The following MAPKAP1 variants were observed in gnomAD, a reference collection of about 807,000 sequenced individuals.
The protein encoded by MAPKAP1 is MAPK associated protein 1.
MAPKAP1 carries 20 observed loss-of-function variants against 65.7 expected under a neutral mutation model. The observed-to-expected ratio is 0.30, with a 90% confidence interval of 0.21 to 0.44. The LOEUF is 0.44. Among genes scored for constraint, MAPKAP1 ranks in the 20% least tolerant of loss-of-function variants. The pLI is 1.00. For synonymous variants in MAPKAP1, 222 were observed against 244.3 expected, an observed-to-expected ratio of 0.91 and a Z score of 0.85; for missense variants, 423 against 648.0, an observed-to-expected ratio of 0.65 and a Z score of 3.77.
At chr9:125,537,272 C>T (rs1344712208) in intron 7 of MAPKAP1, among the ~76,000 whole-genome samples, 1 of 152,192 alleles carries the variant, frequency 6.6e-6, no homozygotes, top group African/African-American at 2.4e-5. Context: ...GTCCTTAATT[C>T]TAAGATGCAC....
At position 125,439,051 on chromosome 9, in the gene MAPKAP1, C is replaced by T. The variant is rs776607729; in HGVS notation, c.1444-39G>A. 1.1e-5 allele frequency: 17 copies of T among 1,606,698 alleles called. No homozygotes were observed. Among genetic ancestry groups the T allele is most frequent in the Admixed American group, 6.7e-5 (4 of 59,692 alleles). Reference sequence around the variant, plus strand: ...CACACAGCCCGGTCACCTTGCCAGCCGCTCCCTACCCACCCAGGGCATCGG... The same window carrying T: ...CACACAGCCCGGTCACCTTGCCAGCTGCTCCCTACCCACCCAGGGCATCGG... On this transcript the variant is annotated intron_variant, in intron 11 of 11. Transcript: ENST00000265960. The surrounding 1 kb of genome is among the most constrained non-coding windows in gnomAD (Gnocchi z 4.0).
intron 10 of MAPKAP1, among the ~76,000 whole-genome samples, chr9:125,453,820 T>C (rs1421720445): frequency 1.3e-5 from 2 of 152,240 alleles, no homozygotes; most frequent in Non-Finnish European, 2.9e-5. Flanking sequence ...TTAATATCAC[T>C]ACTGATATTG....
At chr9:125,489,567 C>A (rs1405244701) in intron 8 of MAPKAP1, among the ~76,000 whole-genome samples, 1 of 152,054 alleles carries the variant, frequency 6.6e-6, no homozygotes, top group Non-Finnish European at 1.5e-5. Flanking sequence ...GAATGACAAT[C>A]ACAATGTAGG....
intron 4 of MAPKAP1, chr9:125,650,307 C>T (rs1036245103): frequency 6.6e-5 from 10 of 152,228 alleles, no homozygotes; most frequent in Non-Finnish European, 1.3e-4. Flanking sequence ...CATTTAAATC[C>T]TTGTTCAAGG....
chr9:125,552,792 T>G (rs865944881), intron 6 of MAPKAP1, among the ~76,000 whole-genome samples: 1 of 152,180 alleles, frequency 6.6e-6, no homozygotes, highest in African/African-American at 2.4e-5. Context: ...AAAACCTGTT[T>G]TCTAACGGTG....
chr9:125,535,108 T>C (rs1348163813), intron 7 of MAPKAP1, among the ~76,000 whole-genome samples: 1 of 152,250 alleles, frequency 6.6e-6, no homozygotes, highest in African/African-American at 2.4e-5. Context: ...TGGTCGGATC[T>C]GGCCCTGCCT....
chr9:125,662,210 C>T (rs1350280005), intron 3 of MAPKAP1, among the ~76,000 whole-genome samples: 1 of 152,006 alleles, frequency 6.6e-6, no homozygotes, highest in Non-Finnish European at 1.5e-5. Flanking sequence ...GGCAAAATCC[C>T]ATCTCTACAA....
At chr9:125,626,860 T>C (rs1262210082) in intron 4 of MAPKAP1, among the ~76,000 whole-genome samples, 4 of 152,222 alleles carry the variant, frequency 2.6e-5, no homozygotes, top group African/African-American at 7.2e-5. Context: ...TACTAACATA[T>C]ATAGAAGATT....
intron 4 of MAPKAP1, among the ~76,000 whole-genome samples, chr9:125,649,361 T>C (rs1445111985): frequency 6.6e-6 from 1 of 152,152 alleles, no homozygotes; most frequent in Non-Finnish European, 1.5e-5. Context: ...CTCCAACAAT[T>C]ACAATCAACA....
intron 9 of MAPKAP1, among the ~76,000 whole-genome samples, chr9:125,479,998 A>G (rs1854249541): frequency 6.6e-6 from 1 of 152,206 alleles, no homozygotes; most frequent in African/African-American, 2.4e-5. Context: ...TACTCGTCTC[A>G]AAATCCAGCT....
chr9:125,619,794 C>T (rs1198609504), intron 4 of MAPKAP1, among the ~76,000 whole-genome samples: 2 of 150,220 alleles, frequency 1.3e-5, no homozygotes, highest in Admixed American at 6.6e-5. Context: ...TATTTCGCTA[C>T]AATAAAAAAA....
intron 9 of MAPKAP1, among the ~76,000 whole-genome samples, chr9:125,481,337 G>A (rs908834142): frequency 1.3e-5 from 2 of 151,992 alleles, no homozygotes; most frequent in African/African-American, 2.4e-5. Flanking sequence ...TCACACTGGG[G>A]AATGAGCGGG....
chr9:125,706,041 C>T (rs958022061), intron 1 of MAPKAP1, among the ~76,000 whole-genome samples: 3 of 152,142 alleles, frequency 2.0e-5, no homozygotes, highest in African/African-American at 7.2e-5. Flanking sequence ...TGGGAAAGGG[C>T]TACCAGCATG....
At chr9:125,644,221 T>C (rs905648267) in intron 4 of MAPKAP1, among the ~76,000 whole-genome samples, 1 of 152,222 alleles carries the variant, frequency 6.6e-6, no homozygotes, top group African/African-American at 2.4e-5. Flanking sequence ...AGGTGTCTAA[T>C]GTATGAACTA....
intron 8 of MAPKAP1, among the ~76,000 whole-genome samples, chr9:125,499,607 C>T (rs188943015): frequency 1.8e-4 from 28 of 152,290 alleles, no homozygotes; most frequent in African/African-American, 6.3e-4. Context: ...AGACCATGTT[C>T]ATGTTCGGAA....
At chr9:125,639,793 T>C (rs1833526565) in intron 4 of MAPKAP1, among the ~76,000 whole-genome samples, 1 of 152,162 alleles carries the variant, frequency 6.6e-6, no homozygotes, top group Non-Finnish European at 1.5e-5. Flanking sequence ...GTATCTGGTT[T>C]CTAATACAAA....
At chr9:125,687,411 C>T (rs953696082) in intron 1 of MAPKAP1, among the ~76,000 whole-genome samples, 4 of 152,094 alleles carry the variant, frequency 2.6e-5, no homozygotes, top group East Asian at 1.9e-4. Flanking sequence ...TCAGTGCTTC[C>T]GACTGTTTCC....
At chr9:125,688,360 ACC>A (rs1300292530) in intron 1 of MAPKAP1, among the ~76,000 whole-genome samples, 2 of 152,010 alleles carry the variant, frequency 1.3e-5, no homozygotes, top group African/African-American at 4.8e-5. Context: ...CTGGTCTTGA[ACC>A]CCTGAACTCA....
chr9:125,606,102 C>A (rs1589334090), intron 4 of MAPKAP1, among the ~76,000 whole-genome samples: 1 of 151,612 alleles, frequency 6.6e-6, no homozygotes, highest in Non-Finnish European at 1.5e-5. Context: ...ATTTTTAGTG[C>A]CAGAAAAAAA....
Sources: gnomAD v4.1 joint callset for allele counts (sites outside exome capture counted in the v4.1 genomes callset) on GRCh38, gnomAD v4.1.1 for gene constraint, Gnocchi (gnomAD v3.1) non-coding constraint, MANE v1.5 for transcripts, NCBI Gene and HGNC (gene_info 2026-07-23, HGNC 2026-07-21) for gene names.